The following TMTC2 variants were observed in gnomAD, a reference collection of about 807,000 sequenced individuals.
TMTC2 encodes the protein transmembrane O-mannosyltransferase targeting cadherins 2, also known as protein O-mannosyl-transferase TMTC2.
TMTC2 carries 43 observed loss-of-function variants against 82.4 expected under a neutral mutation model. That is an observed-to-expected ratio of 0.52 (90% CI 0.41 to 0.67). TMTC2 has a LOEUF of 0.67. Ranked by LOEUF, TMTC2 falls within the 30% of genes least tolerant of loss-of-function variation. The pLI is 0.00. For missense variants in TMTC2, 919 were observed against 1,012.4 expected, an observed-to-expected ratio of 0.91 and a Z score of 1.25; for synonymous variants, 408 against 381.9, an observed-to-expected ratio of 1.07 and a Z score of -0.80.
chr12:83,061,554 G>A (rs1018062319), intron 10 of TMTC2, among the ~76,000 whole-genome samples: 3 of 151,762 alleles, frequency 2.0e-5, no homozygotes, highest in Admixed American at 2.0e-4. Context: ...AACACCCGCT[G>A]AATAGGATTA....
intron 1 of TMTC2, among the ~76,000 whole-genome samples, chr12:82,739,865 C>T (rs909989870): frequency 6.7e-6 from 1 of 150,252 alleles, no homozygotes; most frequent in African/African-American, 2.5e-5. Flanking sequence ...ACTATAGAAC[C>T]AGTATTGTAG....
chr12:83,117,432 G>C (rs1247580698), intron 11 of TMTC2, among the ~76,000 whole-genome samples: 1 of 152,054 alleles, frequency 6.6e-6, no homozygotes, highest in Non-Finnish European at 1.5e-5. Flanking sequence ...ACGATCAAGT[G>C]GGTTTCATTT....
intron 1 of TMTC2, among the ~76,000 whole-genome samples, chr12:82,756,386 C>T (rs1876326289): frequency 6.6e-6 from 1 of 152,164 alleles, no homozygotes; most frequent in Non-Finnish European, 1.5e-5. Flanking sequence ...GAAAAGCCTA[C>T]ATATATTCTT....
At chr12:83,041,428 G>A (rs545895852) in intron 9 of TMTC2, among the ~76,000 whole-genome samples, 33 of 152,074 alleles carry the variant, frequency 2.2e-4, no homozygotes, top group South Asian at 1.0e-3. Flanking sequence ...ATTTATTTAC[G>A]GTTTTATAAA....
At chr12:82,698,419 G>A (rs926481670) in intron 1 of TMTC2, among the ~76,000 whole-genome samples, 1 of 152,112 alleles carries the variant, frequency 6.6e-6, no homozygotes, top group Non-Finnish European at 1.5e-5. Flanking sequence ...AGACTCAAAT[G>A]AAATAATATG....
At chr12:82,997,342 G>GTATATATATATATATA (rs1879682189) in intron 8 of TMTC2, among the ~76,000 whole-genome samples, 1 of 22,512 alleles carries the variant, frequency 4.4e-5, no homozygotes, top group Non-Finnish European at 1.0e-4. Flanking sequence ...GTGTGTGTGT[G>GTATATATATATATATA]TGTGTGTATA....
intron 1 of TMTC2, among the ~76,000 whole-genome samples, chr12:82,788,090 C>T (rs1003432614): frequency 6.6e-6 from 1 of 151,936 alleles, no homozygotes; most frequent in African/African-American, 2.4e-5. Flanking sequence ...AGTGTCCCCA[C>T]ATTTAAATGA....
chr12:82,850,850 G>A (rs1870938987), intron 1 of TMTC2, among the ~76,000 whole-genome samples: 1 of 152,022 alleles, frequency 6.6e-6, no homozygotes, highest in Non-Finnish European at 1.5e-5. Context: ...CAGATCATGA[G>A]GTCAAGAGAT....
chr12:82,778,464 C>T (rs1023779702), intron 1 of TMTC2, among the ~76,000 whole-genome samples: 1 of 152,052 alleles, frequency 6.6e-6, no homozygotes, highest in Non-Finnish European at 1.5e-5. Context: ...GCCTGTAATC[C>T]CAGCACTTTG....
chr12:82,961,979 T>C (rs1382592748), intron 4 of TMTC2, among the ~76,000 whole-genome samples: 1 of 152,052 alleles, frequency 6.6e-6, no homozygotes, highest in Non-Finnish European at 1.5e-5. Flanking sequence ...TCAGATTATG[T>C]AGAGGACGAT....
At chr12:82,835,194 C>T (rs577017268) in intron 1 of TMTC2, among the ~76,000 whole-genome samples, 1 of 152,264 alleles carries the variant, frequency 6.6e-6, no homozygotes, top group African/African-American at 2.4e-5. Flanking sequence ...TAGCTATTAT[C>T]ACTATTAGTC....
intron 11 of TMTC2, among the ~76,000 whole-genome samples, chr12:83,078,654 A>G (rs75463149): frequency 0.011 from 1,605 of 152,344 alleles, 32 homozygotes; most frequent in African/African-American, 0.036. Context: ...AAAACTATAG[A>G]GAATTCAGTT....
chr12:82,962,881 T>C (rs1304677811), intron 4 of TMTC2, among the ~76,000 whole-genome samples: 2 of 152,006 alleles, frequency 1.3e-5, no homozygotes, highest in Admixed American at 1.3e-4. Context: ...AGTTCATGAA[T>C]AAAGAGACAT....
chr12:82,968,149 A>C (rs1463619516), intron 7 of TMTC2, among the ~76,000 whole-genome samples: 3 of 152,172 alleles, frequency 2.0e-5, no homozygotes, highest in Non-Finnish European at 4.4e-5. Flanking sequence ...TGTCTCTGGG[A>C]ATCTCACCCT....
At position 82,896,042 on chromosome 12, in the gene TMTC2, T is replaced by C. The variant is rs779709903; in HGVS notation, c.879T>C (p.Asp293=). Residue 293 remains aspartate (D), a synonymous_variant, in exon 3 of 12, where the codon GAT becomes GAC. Transcript: ENST00000321196. ...TATGTCCAGATACCCTCAGTTTTGA[T>C]TGGTCAATGGATGCTGTGCCTCTGC... The part of the protein sequence containing the change: ...LLLCPDTLSF[D]WSMDAVPLLK... The C allele has an allele frequency of 1.6e-5, 26 of 1,613,920 alleles. No homozygotes were observed. The highest frequency in any genetic ancestry group is 1.9e-5 in the Non-Finnish European group (23 of 1,179,988).
chr12:82,768,035 C>T (rs115584979), intron 1 of TMTC2, among the ~76,000 whole-genome samples: 1 of 119,190 alleles, frequency 8.4e-6, no homozygotes, highest in Admixed American at 7.8e-5. Flanking sequence ...ACTTACTCAT[C>T]TTTACCTATC....
At chr12:82,780,632 A>G (rs1260291493) in intron 1 of TMTC2, among the ~76,000 whole-genome samples, 1 of 152,134 alleles carries the variant, frequency 6.6e-6, no homozygotes, top group Non-Finnish European at 1.5e-5. Flanking sequence ...TGTGCTTTAA[A>G]AAGTCTCTTC....
chr12:83,128,995 T>C (rs932403859), intron 11 of TMTC2, among the ~76,000 whole-genome samples: 5 of 152,234 alleles, frequency 3.3e-5, no homozygotes, highest in African/African-American at 9.6e-5. Context: ...AGGGCGATGA[T>C]ACTTATTACA....
chr12:83,130,102 T>A (rs1885218285), intron 11 of TMTC2, among the ~76,000 whole-genome samples: 1 of 152,170 alleles, frequency 6.6e-6, no homozygotes, highest in Admixed American at 6.5e-5. Flanking sequence ...TCTCCAACAG[T>A]GGTTCTCCCT....
Sources: gnomAD v4.1 joint callset for allele counts (sites outside exome capture counted in the v4.1 genomes callset) on GRCh38, gnomAD v4.1.1 for gene constraint, MANE v1.5 for transcripts, NCBI Gene and HGNC (gene_info 2026-07-23, HGNC 2026-07-21) for gene names.